The following PLEKHG5 variants were observed in gnomAD, a reference collection of about 807,000 sequenced individuals.
PLEKHG5 encodes the protein pleckstrin homology domain-containing family G member 5.
A neutral mutation model predicts 103.8 loss-of-function variants in PLEKHG5; 52 were observed. The observed-to-expected ratio is 0.50, with a 90% CI of 0.40 to 0.63. The LOEUF (loss-of-function observed/expected upper bound fraction) is 0.63, where lower values mean the gene tolerates loss of function less well. Among genes scored for constraint, PLEKHG5 ranks in the 30% least tolerant of loss-of-function variants. The pLI is 0.00. For synonymous variants in PLEKHG5, 592 were observed against 575.5 expected (o/e 1.03, Z -0.41); for missense variants, 1,205 against 1,347.6 (o/e 0.89, Z 1.66).
At chr1:6,510,676 G>A (rs548495211) in intron 1 of PLEKHG5, among the ~76,000 whole-genome samples, 45 of 152,344 alleles carry the variant, frequency 3.0e-4, no homozygotes, top group African/African-American at 1.1e-3. Context: ...CCCTGGGGGC[G>A]GGGGCCAGGT....
At chr1:6,514,282 G>T (rs1440463199) in intron 1 of PLEKHG5, among the ~76,000 whole-genome samples, 4 of 151,886 alleles carry the variant, frequency 2.6e-5, no homozygotes, top group African/African-American at 9.7e-5. Context: ...TAGTGAGACC[G>T]TGTCTCTACA....
Position 6,477,602 on chromosome 1 carries a change from G to A in PLEKHG5, c.-31C>T, listed in dbSNP as rs768976285. On this transcript the variant is annotated 5_prime_UTR_variant, in exon 2 of 21. The change creates a premature stop within an existing upstream ORF in the 5' untranslated region. Transcript: ENST00000377728. ...TGTGGAACTTGCTGTCACAGGCCTC[G>A]CAGAGGTTGAGGGGCCCCCGGCGGT... 3.5e-5 allele frequency: 57 copies of A among 1,611,194 alleles called. No individual in the cohort carries two copies. The highest frequency in any genetic ancestry group is 1.6e-4 in the Middle Eastern group (1 of 6,084).
At chr1:6,517,786 T>A (rs907871197) in intron 1 of PLEKHG5, among the ~76,000 whole-genome samples, 7 of 152,138 alleles carry the variant, frequency 4.6e-5, no homozygotes, top group Non-Finnish European at 8.8e-5. Context: ...ATGGCCCAAA[T>A]GCCCCGAGGC....
chr1:6,476,073 C>T, intron 2 of PLEKHG5, 37 bp from the exon 3 acceptor site: 1 of 1,566,728 alleles, frequency 6.4e-7, no homozygotes, highest in Non-Finnish European at 8.8e-7. Flanking sequence ...GCCTCCCCCG[C>T]CCCTCCTTAG....
At chr1:6,468,818 T>G (rs1213321603) in intron 19 of PLEKHG5, among the ~76,000 whole-genome samples, 1 of 152,116 alleles carries the variant, frequency 6.6e-6, no homozygotes. Context: ...CTAAGGATCC[T>G]CAGCACAGCA....
At chr1:6,495,053 A>G (rs1645202842), upstream of PLEKHG5, among the ~76,000 whole-genome samples, 1 of 152,210 alleles carries the variant, frequency 6.6e-6, no homozygotes, top group Admixed American at 6.5e-5. Flanking sequence ...ACCCCCCCTG[A>G]GAGCAGCTGC....
chr1:6,470,896 G>C lies in PLEKHG5; in HGVS notation c.1393-12C>G, dbSNP rs773999080. On this transcript the variant is annotated splice_polypyrimidine_tract_variant and intron_variant, in intron 13 of 20. Transcript: ENST00000377728. ...TGCTTCTCCGCCCACTGCGGTGGGG[G>C]AGTGGGGGCGGGCTCAGGGCAGGCC... is the stretch of plus-strand genomic sequence containing the variant. The C allele has an allele frequency of 7.1e-7, 1 of 1,408,884 alleles. No individual in the cohort carries two copies. The highest frequency in any genetic ancestry group is 9.2e-7 in the Non-Finnish European group (1 of 1,084,602). The allele number at this position is 1,408,884 out of a possible 1,614,324, so 87.3% of individuals were successfully genotyped here. A position where few individuals can be genotyped will look rare whatever the true frequency, so the allele number is the denominator to read the frequency against.
intron 1 of PLEKHG5, among the ~76,000 whole-genome samples, chr1:6,489,222 A>G (rs1191785566): frequency 1.3e-5 from 2 of 152,146 alleles, no homozygotes; most frequent in African/African-American, 4.8e-5. Flanking sequence ...AGGGGTGGAG[A>G]CTGCATGCAT....
rs1219926266 is a variant in PLEKHG5, at chr1:6,474,274, G to A, written c.440-110C>T. 2.4e-5 allele frequency: 28 copies of A among 1,187,624 alleles called. No individual in the cohort carries two copies. The East Asian group carries it at 3.4e-4, about 14-fold the overall frequency. 73.6% of individuals were successfully genotyped at this position (1,187,624 alleles called of 1,614,324 possible). On this transcript the variant is annotated intron_variant, in intron 6 of 20. Coordinates refer to ENST00000377728, the MANE Select transcript of PLEKHG5 (RefSeq NM_020631.6). ...CACCAAGGCCTGCCTGCCCTCCCCC[G>A]ACAGCCCCGCCCTGCCAGCACCCTC... is the stretch of plus-strand genomic sequence containing the variant.
At chr1:6,500,530 G>A (rs1219776875), upstream of PLEKHG5, among the ~76,000 whole-genome samples, 14 of 130,274 alleles carry the variant, frequency 1.1e-4, no homozygotes, top group South Asian at 5.3e-4. Context: ...TCCCCCCTCC[G>A]CTAAGCAAAC....
At position 6,474,057 on chromosome 1, in the gene PLEKHG5, C is replaced by T. The variant is rs886046502; in HGVS notation, c.547G>A (p.Glu183Lys). 1.9e-6 allele frequency: 3 copies of T among 1,611,870 alleles called. No individual in the cohort carries two copies. The highest frequency in any genetic ancestry group is 1.1e-5 in the South Asian group (1 of 90,840). Residue 183 changes from glutamate (E) to lysine (K), a missense_variant, in exon 7 of 21, where the codon GAG (glutamate) becomes AAG (lysine). By Grantham distance (56) the Glu-to-Lys change is moderately conservative. Transcript: ENST00000377728. The part of the protein sequence containing the change: ...RPAGTGPPAL[E>K]RVDAQSRRES... ...CGGCGGCTCTGGGCGTCCACACGCTCCAGGGCGGGGGGCCCGGTCCCAGCT... is the reference window on the plus strand; with the variant it reads ...CGGCGGCTCTGGGCGTCCACACGCTTCAGGGCGGGGGGCCCGGTCCCAGCT...
Position 6,471,819 on chromosome 1 carries a change from A to G in PLEKHG5, c.1081-11T>C, listed in dbSNP as rs765964484. The G allele has an allele frequency of 6.2e-7, 1 of 1,603,788 alleles. No homozygotes were observed. The highest frequency in any genetic ancestry group is 1.1e-5 in the South Asian group (1 of 89,026). ...GCAGCACAGGAACAGCTGTGGGATC[A>G]GGGGATGGTGTGACTGGGGTCGGGA... On this transcript the variant is annotated splice_polypyrimidine_tract_variant and intron_variant, in intron 10 of 20. Coordinates refer to ENST00000377728, the MANE Select transcript of PLEKHG5 (RefSeq NM_020631.6).
intron 1 of PLEKHG5, among the ~76,000 whole-genome samples, chr1:6,509,831 C>T (rs6691011): frequency 0.29 from 43,617 of 152,168 alleles, 7,135 homozygotes; most frequent in East Asian, 0.6. Flanking sequence ...AGACCCTGCA[C>T]GCACAGGGCT....
chr1:6,471,138 C>T (rs762687176), intron 12 of PLEKHG5, 38 bp from the exon 13 acceptor site: 16 of 1,512,448 alleles, frequency 1.1e-5, no homozygotes, highest in Admixed American at 5.8e-5. Context: ...CCGGTTACCG[C>T]GCGCTCCCTG....
upstream of PLEKHG5, among the ~76,000 whole-genome samples, chr1:6,495,028 C>T (rs546289139): frequency 5.3e-5 from 8 of 152,380 alleles, no homozygotes; most frequent in East Asian, 1.5e-3. Flanking sequence ...CTGCCCCTGC[C>T]TGAGCAGCTT....
chr1:6,512,281 C>T (rs931153638), intron 1 of PLEKHG5, among the ~76,000 whole-genome samples: 3 of 152,318 alleles, frequency 2.0e-5, no homozygotes, highest in South Asian at 2.1e-4. Context: ...CATCCCAGGC[C>T]GAGCGAGTTG....
intron 1 of PLEKHG5, among the ~76,000 whole-genome samples, chr1:6,516,107 A>G (rs1172323068): frequency 6.6e-6 from 1 of 152,224 alleles, no homozygotes; most frequent in Non-Finnish European, 1.5e-5. Flanking sequence ...CACAGACACA[A>G]GAATGTCCAC....
chr1:6,485,986 C>CT (rs58406886), intron 1 of PLEKHG5: 2 of 795,654 alleles, frequency 2.5e-6, no homozygotes, highest in African/African-American at 3.8e-5. Context: ...CACCCCCCCC[C>CT]ACCTTGGAGA....
At chr1:6,512,064 G>T (rs1163079941) in intron 1 of PLEKHG5, among the ~76,000 whole-genome samples, 1 of 152,172 alleles carries the variant, frequency 6.6e-6, no homozygotes, top group Non-Finnish European at 1.5e-5. Context: ...CTTCAAGGTG[G>T]CATCTCCTTT....
Sources: gnomAD v4.1 joint callset for allele counts (sites outside exome capture counted in the v4.1 genomes callset) on GRCh38, gnomAD v4.1.1 for gene constraint, MANE v1.5 for transcripts, NCBI Gene and HGNC (gene_info 2026-07-23, HGNC 2026-07-21) for gene names.